The following DPP10 variants were observed in gnomAD, a reference collection of about 807,000 sequenced individuals.
The protein encoded by DPP10 is inactive dipeptidyl peptidase 10.
A neutral mutation model predicts 120.9 loss-of-function variants in DPP10; 33 were observed. That is an observed-to-expected ratio of 0.27 (90% CI 0.21 to 0.37). The LOEUF is 0.37. Among genes scored for constraint, DPP10 ranks in the 10% least tolerant of loss-of-function variants. DPP10 has a pLI of 1.00. For missense variants in DPP10, 816 were observed against 942.8 expected (o/e 0.87, Z 1.76); for synonymous variants, 337 against 326.1 (o/e 1.03, Z -0.36).
At chr2:115,731,935 C>G (rs1008100191) in intron 8 of DPP10, among the ~76,000 whole-genome samples, 2 of 152,282 alleles carry the variant, frequency 1.3e-5, no homozygotes, top group Non-Finnish European at 2.9e-5. Context: ...CTTCAAGAGT[C>G]CTACATGCAC....
chr2:115,178,878 A>G (rs1046876218), intron 1 of DPP10, among the ~76,000 whole-genome samples: 1 of 152,190 alleles, frequency 6.6e-6, no homozygotes, highest in African/African-American at 2.4e-5. Flanking sequence ...ATAAATTGAA[A>G]CTATCATAAG....
At chr2:115,275,157 A>G (rs1410939802) in intron 1 of DPP10, among the ~76,000 whole-genome samples, 1 of 152,222 alleles carries the variant, frequency 6.6e-6, no homozygotes, top group Admixed American at 6.5e-5. Flanking sequence ...GGCATTTCAC[A>G]AAATGGACAT....
chr2:114,606,365 A>G (rs985225982), intron 1 of DPP10, among the ~76,000 whole-genome samples: 1 of 152,068 alleles, frequency 6.6e-6, no homozygotes, highest in African/African-American at 2.4e-5. Context: ...TTCCTGCTAC[A>G]TGGAAATTTT....
intron 5 of DPP10, among the ~76,000 whole-genome samples, chr2:115,603,701 C>A (rs1228953237): frequency 2.6e-5 from 4 of 151,296 alleles, no homozygotes; most frequent in African/African-American, 9.7e-5. Flanking sequence ...CAAAATAAAT[C>A]TTAACCATTT....
intron 1 of DPP10, among the ~76,000 whole-genome samples, chr2:114,522,051 C>T (rs1685107620): frequency 7.0e-6 from 1 of 143,484 alleles, no homozygotes; most frequent in East Asian, 2.0e-4. Flanking sequence ...GGGATCTCGG[C>T]TCACTGCAAG....
intron 1 of DPP10, among the ~76,000 whole-genome samples, chr2:114,512,505 G>C (rs1181391560): frequency 2.6e-5 from 4 of 152,134 alleles, no homozygotes; most frequent in Non-Finnish European, 5.9e-5. Context: ...ACAACTTGGA[G>C]GTCTCGATTT....
intron 1 of DPP10, among the ~76,000 whole-genome samples, chr2:115,018,129 A>G (rs1702800494): frequency 6.6e-6 from 1 of 152,216 alleles, no homozygotes; most frequent in Non-Finnish European, 1.5e-5. Context: ...ACTGTTCATT[A>G]GAGAAATGCA....
At chr2:115,813,748 T>C (rs116474054) in intron 19 of DPP10, among the ~76,000 whole-genome samples, 2,775 of 152,312 alleles carry the variant, frequency 0.018, 86 homozygotes, top group African/African-American at 0.061. Flanking sequence ...ATCTGATAAC[T>C]TGAAAGCTTG....
At chr2:115,741,993 T>G (rs1677332283) in intron 9 of DPP10, among the ~76,000 whole-genome samples, 1 of 152,192 alleles carries the variant, frequency 6.6e-6, no homozygotes, top group Non-Finnish European at 1.5e-5. Flanking sequence ...TAATATTGCT[T>G]AATAGTAAAG....
intron 1 of DPP10, among the ~76,000 whole-genome samples, chr2:114,601,602 T>A (rs1692372814): frequency 6.6e-6 from 1 of 151,922 alleles, no homozygotes; most frequent in African/African-American, 2.4e-5. Flanking sequence ...CCAATAACAT[T>A]CATCTCTTGA....
chr2:115,594,286 A>G (rs960223980), intron 5 of DPP10, among the ~76,000 whole-genome samples: 1 of 152,224 alleles, frequency 6.6e-6, no homozygotes. Context: ...ATTGCCATGA[A>G]TTAAGAATAC....
chr2:115,447,488 C>T (rs1161959391), intron 3 of DPP10, among the ~76,000 whole-genome samples: 1 of 152,044 alleles, frequency 6.6e-6, no homozygotes, highest in African/African-American at 2.4e-5. Flanking sequence ...TATGGTTTGT[C>T]CCTGTGTTCC....
At position 115,830,219 on chromosome 2, in the gene DPP10, G is replaced by A. The variant is rs181436601; in HGVS notation, c.1951-5938G>A. On this transcript the variant is annotated intron_variant, in intron 21 of 25. Coordinates refer to ENST00000410059, the MANE Select transcript of DPP10 (RefSeq NM_020868.6). Reference sequence around the variant, plus strand: ...AAAAAAGTACAAAAATTGGCTGGGTGTGGTGGCGAGTGTCTGTAATCCCAG... The same window carrying A: ...AAAAAAGTACAAAAATTGGCTGGGTATGGTGGCGAGTGTCTGTAATCCCAG... Among the ~76,000 whole-genome samples, 29 of 152,054 alleles carry A rather than the reference G, an allele frequency of 1.9e-4. No individual in the cohort carries two copies. The East Asian group carries it at 5.4e-3, about 29-fold the overall frequency.
intron 1 of DPP10, among the ~76,000 whole-genome samples, chr2:114,878,668 G>A (rs1021243239): frequency 2.6e-5 from 4 of 151,996 alleles, no homozygotes; most frequent in Admixed American, 1.3e-4. Context: ...CCATATATGA[G>A]TGAGAACATG....
intron 1 of DPP10, among the ~76,000 whole-genome samples, chr2:114,546,867 G>T (rs778420294): frequency 4.6e-5 from 7 of 152,206 alleles, no homozygotes; most frequent in Non-Finnish European, 1.0e-4. Context: ...AATAGAGAAT[G>T]TATGTGGGCC....
chr2:114,637,637 A>G, intron 1 of DPP10, among the ~76,000 whole-genome samples: 1 of 151,930 alleles, frequency 6.6e-6, no homozygotes, highest in South Asian at 2.1e-4. Flanking sequence ...TTAAATCTTT[A>G]ATCCATCTTG....
Position 115,671,342 on chromosome 2 carries a change from A to G in DPP10, c.442-18345A>G, listed in dbSNP as rs969010202. Among the ~76,000 whole-genome samples the G allele has an allele frequency of 7.2e-5, 11 of 151,998 alleles. No homozygotes were observed. In the South Asian group the frequency reaches 1.2e-3, roughly 17 times the overall value. On this transcript the variant is annotated intron_variant, in intron 5 of 25. Transcript: ENST00000410059. ...TTAAAAAATATATTTTTTGGTTTGC[A>G]TTGACTTACTAAATAGATTTGCAGT...
intron 1 of DPP10, among the ~76,000 whole-genome samples, chr2:115,262,215 CT>C (rs201632102): frequency 2.0e-4 from 30 of 147,658 alleles, no homozygotes; most frequent in Non-Finnish European, 1.7e-4. Context: ...AAATCCTGGA[CT>C]TTTTTTTTTA....
intron 1 of DPP10, among the ~76,000 whole-genome samples, chr2:114,546,700 T>C (rs1303390562): frequency 6.6e-6 from 1 of 152,204 alleles, no homozygotes; most frequent in Admixed American, 6.5e-5. Flanking sequence ...TAGTTAATGA[T>C]TTGCCACTTC....
Sources: gnomAD v4.1 joint callset for allele counts (sites outside exome capture counted in the v4.1 genomes callset) on GRCh38, gnomAD v4.1.1 for gene constraint, MANE v1.5 for transcripts, NCBI Gene and HGNC (gene_info 2026-07-23, HGNC 2026-07-21) for gene names.